Variants in GPATCH8 observed in about 807,000 individuals in gnomAD.
GPATCH8 encodes the protein G-patch domain containing 8.
In GPATCH8, 18 loss-of-function variants were observed where a neutral mutation model predicts 118.3. The observed-to-expected ratio is 0.15, with a 90% CI of 0.11 to 0.23. The LOEUF is 0.23. Among genes scored for constraint, GPATCH8 ranks in the 10% least tolerant of loss-of-function variants. The pLI is 1.00. For missense variants in GPATCH8, 1,631 were observed against 1,873.8 expected, an observed-to-expected ratio of 0.87 and a Z score of 2.39; for synonymous variants, 659 against 684.7, an observed-to-expected ratio of 0.96 and a Z score of 0.59.
chr17:44,412,969 T>C (rs952259600), intron 6 of GPATCH8, among the ~76,000 whole-genome samples: 1 of 152,184 alleles, frequency 6.6e-6, no homozygotes, highest in African/African-American at 2.4e-5. Flanking sequence ...TTGATGTTCA[T>C]GGATGAGATC....
chr17:44,434,469 C>T (rs533008586), intron 5 of GPATCH8, among the ~76,000 whole-genome samples: 11 of 152,258 alleles, frequency 7.2e-5, no homozygotes, highest in South Asian at 2.1e-4. Context: ...ACTGGGAAGC[C>T]GTGGCAGGCA....
chr17:44,426,844 ACACACTCTCT>A (rs925967903), intron 5 of GPATCH8, among the ~76,000 whole-genome samples: 3 of 90,644 alleles, frequency 3.3e-5, no homozygotes, highest in Non-Finnish European at 7.6e-5. Context: ...CAACACACAC[ACACACTCTCT>A]CTCTCTCTCT....
At chr17:44,435,507 G>A (rs551412641) in intron 4 of GPATCH8, among the ~76,000 whole-genome samples, 4 of 136,708 alleles carry the variant, frequency 2.9e-5, no homozygotes, top group African/African-American at 1.1e-4. Flanking sequence ...TCTGCCTCCC[G>A]AGTTCAAGTG....
At chr17:44,483,539 G>A (rs7503521) in intron 1 of GPATCH8, among the ~76,000 whole-genome samples, 74,983 of 150,752 alleles carry the variant, frequency 0.5, 20,243 homozygotes, top group Non-Finnish European at 0.61. Context: ...GTGAGCCACC[G>A]CGACTGGCCG....
rs1294948678 is a variant in GPATCH8 at position 44,405,206 on chromosome 17, ATTCT to A, written c.623+711_623+714del. 3.3e-5 allele frequency among the ~76,000 whole-genome samples: 5 copies of A among 150,972 alleles called. No homozygotes were observed. The South Asian group carries it at 1.1e-3, about 33-fold the overall frequency. On this transcript the variant is annotated intron_variant, in intron 7 of 7. Transcript: ENST00000591680. Reference sequence around the variant, plus strand: ...AATTAATAAAAACTGAAGGTTTATAATTCTTTTTTTTTTTTTTTTGAGACGGAGT... The same window carrying A: ...AATTAATAAAAACTGAAGGTTTATAATTTTTTTTTTTTTTTGAGACGGAGT...
At position 44,474,786 on chromosome 17, in the gene GPATCH8, A is replaced by G. The variant is rs943278087; in HGVS notation, c.120+43T>C. On this transcript the variant is annotated intron_variant, in intron 2 of 7. Transcript: ENST00000591680. The stretch of plus-strand genomic sequence containing the variant: ...ATCAAGTGTCACACGAACACTACCT[A>G]ACTAACTAGCTAAGACCCGAAATTA... 9 of 939,660 alleles carry G rather than the reference A, an allele frequency of 9.6e-6. No individual in the cohort carries two copies. The African/African-American group carries it at 1.3e-4, about 13-fold the overall frequency. 58.2% of individuals were successfully genotyped at this position (939,660 alleles called of 1,614,324 possible).
intron 2 of GPATCH8, among the ~76,000 whole-genome samples, chr17:44,469,371 AT>A (rs1967093621): frequency 6.6e-6 from 1 of 152,180 alleles, no homozygotes; most frequent in Non-Finnish European, 1.5e-5. Flanking sequence ...AACAATGATC[AT>A]TTTGGTAACA....
In GPATCH8 at chr17:44,400,243, T is replaced by C. The variant is rs751758629; in HGVS notation, c.1834A>G (p.Asn612Asp). 1 of 1,614,204 alleles carries C rather than the reference T, an allele frequency of 6.2e-7. No homozygotes were observed. The highest frequency in any genetic ancestry group is 1.7e-5 in the Admixed American group (1 of 60,030). ...HLQGLDPGEPNKSKEVGGEKI... is the reference protein window; with the variant it reads ...HLQGLDPGEPDKSKEVGGEKI... ...TCTCCGCCCACTTCCTTGCTTTTAT[T>C]TGGCTCACCAGGATCTAGGCCTTGG... Residue 612 changes from asparagine (N) to aspartate (D), a missense_variant, in exon 8 of 8, where the codon AAT becomes GAT. Around this residue, in one of 8 missense-constraint regions of GPATCH8, gnomAD observed 6 missense variants for 16.3 expected, o/e 0.37. Coordinates refer to ENST00000591680, the MANE Select transcript of GPATCH8 (RefSeq NM_001002909.4).
intron 2 of GPATCH8, among the ~76,000 whole-genome samples, chr17:44,472,464 T>C (rs906606282): frequency 6.6e-5 from 10 of 152,350 alleles, no homozygotes; most frequent in African/African-American, 2.2e-4. Context: ...GCTTAAAATA[T>C]GTTAAATATC....
At chr17:44,412,870 T>C (rs1385545784) in intron 6 of GPATCH8, among the ~76,000 whole-genome samples, 1 of 152,128 alleles carries the variant, frequency 6.6e-6, no homozygotes, top group Non-Finnish European at 1.5e-5. Flanking sequence ...CAACAAAACA[T>C]TAATGTCTGT....
rs751291250 is a variant in GPATCH8 at position 44,398,276 on chromosome 17, G to C, written c.3801C>G (p.Ser1267=). 1 of 1,613,562 alleles carries C rather than the reference G, an allele frequency of 6.2e-7. No homozygotes were observed. The highest frequency in any genetic ancestry group is 1.1e-5 in the South Asian group (1 of 91,048). The change falls in exon 8 of 8, where the codon TCC becomes TCG. Residue 1267 remains serine (S), a synonymous_variant. Transcript: ENST00000591680. ...GGTCTGGTGCTATAGGCAGCAAGCT[G>C]GACTCCACAGGGCCTGGCTGACTGC... ...DSSSQPGPVE[S]SLLPIAPDLE...
intron 1 of GPATCH8, among the ~76,000 whole-genome samples, chr17:44,478,166 T>A (rs1461611597): frequency 2.6e-5 from 4 of 152,218 alleles, no homozygotes; most frequent in Admixed American, 2.0e-4. Context: ...ACCTGCTTCT[T>A]GGCATTTTAA....
At chr17:44,469,192 G>C (rs1967080163) in intron 2 of GPATCH8, among the ~76,000 whole-genome samples, 1 of 152,156 alleles carries the variant, frequency 6.6e-6, no homozygotes, top group South Asian at 2.1e-4. Context: ...TAAGCGGGAA[G>C]ATCTTTGACA....
chr17:44,467,172 T>A, intron 2 of GPATCH8: 1 of 739,694 alleles, frequency 1.4e-6, no homozygotes, highest in Non-Finnish European at 2.0e-6. Flanking sequence ...TCACTAATGG[T>A]CGTTTTTTTT....
At chr17:44,411,343 TAAC>T (rs2049423956) in intron 6 of GPATCH8, among the ~76,000 whole-genome samples, 1 of 152,204 alleles carries the variant, frequency 6.6e-6, no homozygotes, top group Admixed American at 6.5e-5. Flanking sequence ...CAGTGTTCTC[TAAC>T]AACAAAAGAT....
intron 1 of GPATCH8, among the ~76,000 whole-genome samples, chr17:44,483,721 A>C (rs186067261): frequency 4.7e-4 from 72 of 152,178 alleles, no homozygotes; most frequent in Admixed American, 2.5e-3. Flanking sequence ...AACTCACTGC[A>C]ACCTCTGCCC....
intron 7 of GPATCH8, among the ~76,000 whole-genome samples, chr17:44,405,209 CTTTTT>C (rs542901574): frequency 1.6e-4 from 22 of 138,026 alleles, no homozygotes; most frequent in Admixed American, 5.8e-4. Flanking sequence ...GTTTATAATT[CTTTTT>C]TTTTTTTTTT....
intron 1 of GPATCH8, among the ~76,000 whole-genome samples, chr17:44,478,920 T>C (rs1442562964): frequency 6.6e-6 from 1 of 151,988 alleles, no homozygotes; most frequent in Middle Eastern, 3.2e-3. Flanking sequence ...TATTTTGATT[T>C]AGATGGTCTC....
intron 6 of GPATCH8, chr17:44,409,266 G>A (rs1179596331): frequency 2.0e-5 from 3 of 152,122 alleles, no homozygotes; most frequent in Admixed American, 1.3e-4. Flanking sequence ...TCAGCATAGC[G>A]CACTATAGTT....
Sources: allele counts gnomAD v4.1 joint callset (sites outside exome capture counted in the v4.1 genomes callset), GRCh38; gene constraint gnomAD v4.1.1; regional missense constraint gnomAD v4.1.1; transcripts MANE v1.5; gene names NCBI Gene and HGNC (gene_info 2026-07-23, HGNC 2026-07-21).